Variants in DYSF observed in about 807,000 individuals in gnomAD.
The protein encoded by DYSF is dysferlin.
DYSF carries 212 observed loss-of-function variants against 274.9 expected under a neutral mutation model. That is an observed-to-expected ratio of 0.77 (90% confidence interval 0.69 to 0.86). The LOEUF is 0.86. Ranked by LOEUF, DYSF falls within the 40% of genes least tolerant of loss-of-function variation. The probability of loss-of-function intolerance (pLI) is 0.00; values close to 1 mark genes in which losing one functional copy is unlikely to be tolerated. For missense variants in DYSF, 2,666 were observed against 2,783.2 expected (o/e 0.96, Z 0.95); for synonymous variants, 1,091 against 1,078.7 (o/e 1.01, Z -0.22).
At chr2:71,561,673 GAACCTGGC>G in intron 22 of DYSF, 71 bp from the exon 23 acceptor site, 6 of 1,572,542 alleles carry the variant, frequency 3.8e-6, no homozygotes, top group Non-Finnish European at 5.2e-6. Context: ...CCTGCTGTGA[GAACCTGGC>G]ACATGTGCAT....
chr2:71,675,597 T>C (rs1293099762), intron 52 of DYSF, among the ~76,000 whole-genome samples: 1 of 152,214 alleles, frequency 6.6e-6, no homozygotes, highest in Non-Finnish European at 1.5e-5. Flanking sequence ...CAGAGAACTT[T>C]GTTATAAAAG....
At chr2:71,672,019 G>C (rs1255421606) in intron 51 of DYSF, among the ~76,000 whole-genome samples, 1 of 152,194 alleles carries the variant, frequency 6.6e-6, no homozygotes, top group East Asian at 1.9e-4. Context: ...GGCTCACTGG[G>C]AGGGAAGGCC....
intron 42 of DYSF, among the ~76,000 whole-genome samples, chr2:71,654,367 G>A (rs1468385768): frequency 1.3e-5 from 2 of 152,146 alleles, no homozygotes; most frequent in Admixed American, 1.3e-4. Context: ...CTTAAAATGT[G>A]CATACTCCTT....
rs531131137 is a variant in DYSF, at chr2:71,466,996, C to A, written c.91+63C>A. 21 of 1,529,794 alleles carry A rather than the reference C, an allele frequency of 1.4e-5. No homozygotes were observed. In the Middle Eastern group the frequency reaches 1.3e-3, roughly 98 times the overall value. 94.8% of individuals were successfully genotyped at this position (1,529,794 alleles called of 1,614,324 possible). ...CTACCCGACTCTCGGCGCTCACTGGCGGGTCTGAAGCCCCTGCTCCGGAGC... is the reference window on the plus strand; with the variant it reads ...CTACCCGACTCTCGGCGCTCACTGGAGGGTCTGAAGCCCCTGCTCCGGAGC... On this transcript the variant is annotated intron_variant, in intron 1 of 55. Transcript: ENST00000410020.
At chr2:71,506,330 G>C (rs1478701845) in intron 4 of DYSF, among the ~76,000 whole-genome samples, 1 of 152,172 alleles carries the variant, frequency 6.6e-6, no homozygotes, top group Non-Finnish European at 1.5e-5. Context: ...CTTAGCCTGG[G>C]GCAAGACAGG....
chr2:71,550,612 TA>T (rs1487973635), intron 17 of DYSF, among the ~76,000 whole-genome samples: 1 of 151,864 alleles, frequency 6.6e-6, no homozygotes, highest in Non-Finnish European at 1.5e-5. Flanking sequence ...TATAGAAGCG[TA>T]GGATGGAGAG....
chr2:71,555,515 G>A (rs901795854), intron 21 of DYSF, among the ~76,000 whole-genome samples: 2 of 152,174 alleles, frequency 1.3e-5, no homozygotes, highest in South Asian at 2.1e-4. Context: ...GTGATTAGAG[G>A]TGGCAGGACG....
At chr2:71,571,382 C>T (rs572374548) in intron 29 of DYSF, among the ~76,000 whole-genome samples, 3 of 145,342 alleles carry the variant, frequency 2.1e-5, no homozygotes, top group South Asian at 4.5e-4. Flanking sequence ...GCACAGATCA[C>T]AGTCAGCACA....
chr2:71,606,258 T>A (rs1249856884), intron 36 of DYSF, among the ~76,000 whole-genome samples: 1 of 152,098 alleles, frequency 6.6e-6, no homozygotes, highest in East Asian at 1.9e-4. Context: ...TGGGGTCTTC[T>A]TGGTCTGGGC....
chr2:71,643,255 C>A (rs1248133665), intron 41 of DYSF, among the ~76,000 whole-genome samples: 1 of 152,192 alleles, frequency 6.6e-6, no homozygotes, highest in East Asian at 1.9e-4. Context: ...CCACAACAGG[C>A]CTGTCCATCT....
intron 1 of DYSF, among the ~76,000 whole-genome samples, chr2:71,478,346 G>A (rs917905417): frequency 6.6e-6 from 1 of 151,844 alleles, no homozygotes; most frequent in African/African-American, 2.4e-5. Flanking sequence ...CGAGCAGCTG[G>A]GACTACAGGT....
chr2:71,609,952 A>T (rs2093717910), intron 36 of DYSF, among the ~76,000 whole-genome samples: 1 of 152,236 alleles, frequency 6.6e-6, no homozygotes, highest in African/African-American at 2.4e-5. Flanking sequence ...AGATTACATG[A>T]GGCAAGCTCT....
rs1307306764 is a variant in DYSF at position 71,615,115 on chromosome 2, AT to A, written c.4464+1709del. Among the ~76,000 whole-genome samples, 1 of 152,124 alleles carries A rather than the reference AT, an allele frequency of 6.6e-6. No homozygotes were observed. Among genetic ancestry groups the A allele is most frequent in the Non-Finnish European group, 1.5e-5 (1 of 68,016 alleles). On this transcript the variant is annotated intron_variant, in intron 40 of 55. Transcript: ENST00000410020. This position sits in a 1 kb window ranked among gnomAD's most constrained non-coding sequence, Gnocchi z 4.9. ...CTACACACTCAGATGGGGAGGGACT[AT>A]TTTAGGTCCTGCTGGCCACAAGCAC...
intron 52 of DYSF, among the ~76,000 whole-genome samples, chr2:71,676,775 T>A (rs1027730853): frequency 6.6e-6 from 1 of 152,234 alleles, no homozygotes; most frequent in Admixed American, 6.5e-5. Context: ...TCCACCTTCA[T>A]AATTTGTTTT....
At position 71,611,577 on chromosome 2, in the gene DYSF, A is replaced by T; in HGVS notation, c.4172A>T (p.Asn1391Ile). The T allele has an allele frequency of 1.2e-6, 2 of 1,613,762 alleles. No homozygotes were observed. Among genetic ancestry groups the T allele is most frequent in the Non-Finnish European group, 1.7e-6 (2 of 1,179,920 alleles). The stretch of plus-strand genomic sequence containing the variant: ...ACGGTGCAGTCCTGTGTCATCAGGA[A>T]CCTCCGGAAGAACCCCAACTTTGAC... ...GQTVQSCVIRNLRKNPNFDIC... is the reference protein window; with the variant it reads ...GQTVQSCVIRILRKNPNFDIC... The change falls in exon 38 of 56, where the codon AAC becomes ATC. Residue 1391 changes from asparagine to isoleucine, a missense_variant. This residue lies in a region of DYSF where 1,460 missense variants were observed against 1,502.1 expected (regional missense o/e 0.97). Coordinates refer to ENST00000410020, the MANE Select transcript of DYSF (RefSeq NM_001130987.2).
At chr2:71,510,021 G>A (rs533175726) in intron 4 of DYSF, among the ~76,000 whole-genome samples, 26 of 152,254 alleles carry the variant, frequency 1.7e-4, no homozygotes, top group Admixed American at 6.5e-4. Context: ...CAAGAGATCC[G>A]CCTGGCTCGG....
At chr2:71,675,169 CTG>C (rs975234471) in intron 52 of DYSF, among the ~76,000 whole-genome samples, 4 of 151,946 alleles carry the variant, frequency 2.6e-5, no homozygotes, top group Non-Finnish European at 5.9e-5. Flanking sequence ...TGGGGAGTGA[CTG>C]TGATGGGTAA....
chr2:71,475,321 T>A (rs957307337), intron 1 of DYSF, among the ~76,000 whole-genome samples: 1 of 152,184 alleles, frequency 6.6e-6, no homozygotes, highest in Non-Finnish European at 1.5e-5. Flanking sequence ...AAAGGACCCA[T>A]TCATTCAGCA....
intron 51 of DYSF, among the ~76,000 whole-genome samples, chr2:71,673,457 G>A (rs1486802225): frequency 6.6e-6 from 1 of 152,122 alleles, no homozygotes; most frequent in East Asian, 1.9e-4. Context: ...AGCACTTCAG[G>A]CTTTGGCTTT....
Sources: gnomAD v4.1 joint callset for allele counts (sites outside exome capture counted in the v4.1 genomes callset) on GRCh38, gnomAD v4.1.1 for gene constraint, gnomAD v4.1.1 regional missense constraint, Gnocchi (gnomAD v3.1) non-coding constraint, MANE v1.5 for transcripts, NCBI Gene and HGNC (gene_info 2026-07-23, HGNC 2026-07-21) for gene names.